Variants in MACROD2 observed in about 807,000 individuals in gnomAD.
MACROD2 encodes the protein ADP-ribose glycohydrolase MACROD2.
MACROD2 carries 36 observed loss-of-function variants against 70.4 expected under a neutral mutation model. The ratio of observed to expected loss-of-function variants is 0.51; its 90% CI spans 0.39 to 0.68. The LOEUF (loss-of-function observed/expected upper bound fraction) is 0.68. Ranked by LOEUF, MACROD2 falls within the 30% of genes least tolerant of loss-of-function variation. The pLI is 0.00. For synonymous variants in MACROD2, 172 were observed against 178.8 expected, an observed-to-expected ratio of 0.96 and a Z score of 0.30; for missense variants, 496 against 538.4, an observed-to-expected ratio of 0.92 and a Z score of 0.78.
At chr20:14,525,198 G>A (rs915067858) in intron 4 of MACROD2, among the ~76,000 whole-genome samples, 1 of 152,114 alleles carries the variant, frequency 6.6e-6, no homozygotes, top group African/African-American at 2.4e-5. Flanking sequence ...TAATTACCAT[G>A]TATAATAGTA....
At chr20:15,709,094 G>GA (rs2050584436) in intron 8 of MACROD2, among the ~76,000 whole-genome samples, 1 of 151,970 alleles carries the variant, frequency 6.6e-6, no homozygotes, top group Non-Finnish European at 1.5e-5. Flanking sequence ...GGTATTACAG[G>GA]GTTCTTTGAT....
intron 6 of MACROD2, among the ~76,000 whole-genome samples, chr20:15,307,306 C>T (rs2077707522): frequency 6.6e-6 from 1 of 152,170 alleles, no homozygotes; most frequent in Non-Finnish European, 1.5e-5. Flanking sequence ...ACGGTTTCCT[C>T]CACCAGAGGA....
intron 3 of MACROD2, among the ~76,000 whole-genome samples, chr20:14,160,151 A>G (rs1176543981): frequency 2.0e-5 from 3 of 152,168 alleles, no homozygotes; most frequent in Non-Finnish European, 4.4e-5. Context: ...TTTTACCTCT[A>G]TGTTCATTAA....
chr20:14,419,991 A>G (rs1348467939), intron 3 of MACROD2, among the ~76,000 whole-genome samples: 1 of 152,070 alleles, frequency 6.6e-6, no homozygotes, highest in Non-Finnish European at 1.5e-5. Flanking sequence ...AAATAATGTT[A>G]TAATGCACAT....
intron 4 of MACROD2, among the ~76,000 whole-genome samples, chr20:14,560,704 T>C (rs1979378509): frequency 6.6e-6 from 1 of 151,868 alleles, no homozygotes; most frequent in Non-Finnish European, 1.5e-5. Context: ...TAAGAGTTTA[T>C]CATATTTTAC....
chr20:14,427,184 C>T (rs138309094), intron 3 of MACROD2, among the ~76,000 whole-genome samples: 197 of 151,458 alleles, frequency 1.3e-3, no homozygotes, highest in African/African-American at 2.6e-3. Flanking sequence ...TGATTTTATT[C>T]GTCCTCTGTC....
At chr20:15,621,383 A>G (rs1357244581) in intron 8 of MACROD2, among the ~76,000 whole-genome samples, 1 of 152,212 alleles carries the variant, frequency 6.6e-6, no homozygotes, top group Non-Finnish European at 1.5e-5. Flanking sequence ...GGCTTTTCTC[A>G]GAATCCATCG....
intron 5 of MACROD2, among the ~76,000 whole-genome samples, chr20:14,716,950 A>G (rs1052395397): frequency 6.6e-6 from 1 of 152,170 alleles, no homozygotes; most frequent in Non-Finnish European, 1.5e-5. Flanking sequence ...GAAACTTGCA[A>G]TATGTCCTTA....
rs535564161 is a variant in MACROD2, at chr20:15,830,244, G to T, written c.646-32501G>T. 5.9e-5 allele frequency among the ~76,000 whole-genome samples: 9 copies of T among 152,284 alleles called. No homozygotes were observed. The South Asian group carries it at 1.9e-3, about 32-fold the overall frequency. ...TCCCAAATCAAGGGTAACCCAGTTG[G>T]AAATAGAGCAAGAAGAGGCATCCAC... On this transcript the variant is annotated intron_variant, in intron 8 of 17. Coordinates refer to ENST00000684519, the MANE Select transcript of MACROD2 (RefSeq NM_001351661.2).
chr20:15,888,955 A>G (rs911714982), intron 10 of MACROD2, among the ~76,000 whole-genome samples: 1 of 152,152 alleles, frequency 6.6e-6, no homozygotes, highest in African/African-American at 2.4e-5. Flanking sequence ...GCCCTGCATC[A>G]ATTCTTCTCA....
chr20:14,541,743 T>C (rs2085436008), intron 4 of MACROD2, among the ~76,000 whole-genome samples: 2 of 152,192 alleles, frequency 1.3e-5, no homozygotes, highest in South Asian at 4.1e-4. Flanking sequence ...AGAGACGTAT[T>C]ACTGTTTACT....
At chr20:14,451,593 C>T (rs2084245626) in intron 3 of MACROD2, among the ~76,000 whole-genome samples, 2 of 152,152 alleles carry the variant, frequency 1.3e-5, no homozygotes, top group Non-Finnish European at 2.9e-5. Flanking sequence ...TGCTTATTCG[C>T]CTTCTTCCAC....
intron 5 of MACROD2, among the ~76,000 whole-genome samples, chr20:15,141,341 G>GTT (rs2076190782): frequency 6.6e-6 from 1 of 151,716 alleles, no homozygotes; most frequent in Non-Finnish European, 1.5e-5. Context: ...TTATATATCT[G>GTT]CATATAGAAT....
intron 5 of MACROD2, among the ~76,000 whole-genome samples, chr20:15,102,216 G>A (rs761140547): frequency 5.9e-5 from 9 of 151,836 alleles, no homozygotes; most frequent in Non-Finnish European, 8.8e-5. Flanking sequence ...AAGGAAAAAC[G>A]TTCGATCTCA....
intron 3 of MACROD2, among the ~76,000 whole-genome samples, chr20:14,300,430 A>C (rs1348016636): frequency 6.6e-6 from 1 of 152,158 alleles, no homozygotes; most frequent in Non-Finnish European, 1.5e-5. Flanking sequence ...CGTTTAGTTC[A>C]GGGTCGCAAA....
intron 3 of MACROD2, among the ~76,000 whole-genome samples, chr20:14,267,159 A>T (rs1235886649): frequency 2.6e-5 from 4 of 152,172 alleles, no homozygotes; most frequent in African/African-American, 9.6e-5. Flanking sequence ...ATATGTAAGG[A>T]AACTAGCTCG....
At chr20:15,646,394 G>A (rs1288763595) in intron 8 of MACROD2, among the ~76,000 whole-genome samples, 1 of 152,066 alleles carries the variant, frequency 6.6e-6, no homozygotes, top group Non-Finnish European at 1.5e-5. Flanking sequence ...AATGTATTAA[G>A]GTGGAAATTT....
At chr20:14,996,864 A>G (rs1467253151) in intron 5 of MACROD2, among the ~76,000 whole-genome samples, 1 of 152,230 alleles carries the variant, frequency 6.6e-6, no homozygotes, top group Non-Finnish European at 1.5e-5. Context: ...TAGCTCCACC[A>G]CTACTGGCTG....
chr20:15,148,009 G>T (rs1410442046), intron 5 of MACROD2, among the ~76,000 whole-genome samples: 1 of 152,046 alleles, frequency 6.6e-6, no homozygotes, highest in South Asian at 2.1e-4. Context: ...AGGTCACAGG[G>T]GATATGATGG....
Sources: allele counts gnomAD v4.1 joint callset (sites outside exome capture counted in the v4.1 genomes callset), GRCh38; gene constraint gnomAD v4.1.1; transcripts MANE v1.5; gene names NCBI Gene and HGNC (gene_info 2026-07-23, HGNC 2026-07-21).